The following SLC25A17 variants were observed in gnomAD, a reference collection of about 807,000 sequenced individuals.
SLC25A17 encodes peroxisomal membrane protein PMP34.
In SLC25A17, 26 loss-of-function variants were observed where a neutral mutation model predicts 38.5. The ratio of observed to expected loss-of-function variants is 0.68; its 90% CI spans 0.50 to 0.94. The LOEUF is 0.94. Among genes scored for constraint, SLC25A17 ranks in the 40% least tolerant of loss-of-function variants. SLC25A17 has a pLI of 0.00. For missense variants in SLC25A17, 333 were observed against 372.7 expected, an observed-to-expected ratio of 0.89 and a Z score of 0.88; for synonymous variants, 139 against 136.2, an observed-to-expected ratio of 1.02 and a Z score of -0.14.
chr22:40,815,553 T>A (rs1003261013), intron 1 of SLC25A17, among the ~76,000 whole-genome samples: 1 of 152,166 alleles, frequency 6.6e-6, no homozygotes, highest in African/African-American at 2.4e-5. Context: ...ACATTTCAAT[T>A]CCCTTAAATT....
chr22:40,817,741 G>A (rs1328479878), intron 1 of SLC25A17, among the ~76,000 whole-genome samples: 2 of 152,130 alleles, frequency 1.3e-5, no homozygotes, highest in East Asian at 1.9e-4. Context: ...CAGCAGCCAG[G>A]GTGATCACGT....
intron 1 of SLC25A17, among the ~76,000 whole-genome samples, chr22:40,809,126 G>A (rs535774518): frequency 1.3e-5 from 2 of 151,376 alleles, no homozygotes; most frequent in South Asian, 2.1e-4. Context: ...TTGTAGAGGC[G>A]AGACAACATT....
intron 1 of SLC25A17, among the ~76,000 whole-genome samples, chr22:40,815,118 C>T (rs1162263315): frequency 1.3e-5 from 2 of 151,994 alleles, no homozygotes; most frequent in Non-Finnish European, 2.9e-5. Flanking sequence ...CACACCCGGC[C>T]CAGAATATTC....
chr22:40,783,737 G>A (rs1024038909), intron 4 of SLC25A17, among the ~76,000 whole-genome samples: 4 of 151,398 alleles, frequency 2.6e-5, no homozygotes, highest in Non-Finnish European at 4.4e-5. Flanking sequence ...ATGGAGTCTC[G>A]CTCTATCTCC....
chr22:40,780,179 C>G (rs1278862554), intron 4 of SLC25A17: 1 of 152,136 alleles, frequency 6.6e-6, no homozygotes, highest in African/African-American at 2.4e-5. Flanking sequence ...GAAATACAGT[C>G]TAACCAAGGA....
At chr22:40,816,547 T>C (rs902056393) in intron 1 of SLC25A17, among the ~76,000 whole-genome samples, 1 of 151,962 alleles carries the variant, frequency 6.6e-6, no homozygotes, top group Non-Finnish European at 1.5e-5. Context: ...TGTTCTTTTA[T>C]AGCACTTAAC....
chr22:40,816,939 G>T (rs1170715165), intron 1 of SLC25A17, among the ~76,000 whole-genome samples: 1 of 152,076 alleles, frequency 6.6e-6, no homozygotes, highest in Non-Finnish European at 1.5e-5. Context: ...CTCCCCTATT[G>T]CAATGCATAG....
intron 1 of SLC25A17, chr22:40,799,684 C>CA (rs2057464445): frequency 6.6e-6 from 1 of 152,146 alleles, no homozygotes; most frequent in South Asian, 2.1e-4. Context: ...TTTAAATGAA[C>CA]AAAAGTTTAT....
chr22:40,772,957 A>G (rs2057200559), intron 8 of SLC25A17, among the ~76,000 whole-genome samples: 1 of 152,176 alleles, frequency 6.6e-6, no homozygotes, highest in South Asian at 2.1e-4. Flanking sequence ...TATTTTAATA[A>G]TAAATTTATT....
chr22:40,805,186 T>C (rs2057519136), intron 1 of SLC25A17, among the ~76,000 whole-genome samples: 1 of 152,034 alleles, frequency 6.6e-6, no homozygotes, highest in Non-Finnish European at 1.5e-5. Context: ...AATACAAAAA[T>C]TAGCTGGGAG....
chr22:40,799,222 G>A, intron 1 of SLC25A17, 139 bp from the exon 2 acceptor site: 1 of 610,580 alleles, frequency 1.6e-6, no homozygotes, highest in Non-Finnish European at 3.0e-6. Context: ...TTGGGCTCAA[G>A]TGATCCTCCC....
intron 1 of SLC25A17, among the ~76,000 whole-genome samples, chr22:40,806,307 G>T (rs746503749): frequency 6.6e-6 from 1 of 152,176 alleles, no homozygotes; most frequent in African/African-American, 2.4e-5. Flanking sequence ...GTTAGAAAAC[G>T]TAAGTGTAAA....
chr22:40,776,111 C>T (rs753270488), intron 7 of SLC25A17: 1 of 281,450 alleles, frequency 3.6e-6, no homozygotes, highest in Non-Finnish European at 7.0e-6. Flanking sequence ...AAGAGCCCCA[C>T]CATGCCCCTC....
intron 7 of SLC25A17, among the ~76,000 whole-genome samples, chr22:40,775,965 A>C (rs547942830): frequency 6.6e-6 from 1 of 152,232 alleles, no homozygotes; most frequent in South Asian, 2.1e-4. Flanking sequence ...ATGAGAATGG[A>C]CTAACACACA....
chr22:40,796,124 G>A (rs1442370170), intron 2 of SLC25A17, among the ~76,000 whole-genome samples: 3 of 152,088 alleles, frequency 2.0e-5, no homozygotes, highest in South Asian at 2.1e-4. Flanking sequence ...TTAGCCTTGC[G>A]TCTGTCTCCT....
At chr22:40,817,907 T>C (rs2057658856) in intron 1 of SLC25A17, among the ~76,000 whole-genome samples, 1 of 152,160 alleles carries the variant, frequency 6.6e-6, no homozygotes, top group Non-Finnish European at 1.5e-5. Context: ...CATCTCAGCC[T>C]TCATGCTGGC....
rs1260669949 is a variant in SLC25A17 at position 40,794,503 on chromosome 22, G to T, written c.182+11C>A. ...GTTGCTTTAACGAAGGTGAACTGAG[G>T]TAGTACTCACAGTCCTTCTTCTTTA... On this transcript the variant is annotated intron_variant, in intron 3 of 8. Coordinates refer to ENST00000435456, the MANE Select transcript of SLC25A17 (RefSeq NM_006358.4). 1 of 1,573,650 alleles carries T rather than the reference G, an allele frequency of 6.4e-7. No individual in the cohort carries two copies. The highest frequency in any genetic ancestry group is 8.7e-7 in the Non-Finnish European group (1 of 1,144,650).
chr22:40,785,837 T>C (rs984592926), intron 4 of SLC25A17, among the ~76,000 whole-genome samples: 5 of 152,038 alleles, frequency 3.3e-5, no homozygotes, highest in Non-Finnish European at 5.9e-5. Context: ...GGTCTTGCTA[T>C]GGTGCCCAGG....
intron 4 of SLC25A17, among the ~76,000 whole-genome samples, chr22:40,781,436 G>A (rs1011890682): frequency 1.3e-5 from 2 of 151,946 alleles, no homozygotes; most frequent in Admixed American, 6.6e-5. Flanking sequence ...TAGTAGAGAC[G>A]GGGTTTCACC....
Sources: allele counts gnomAD v4.1 joint callset (sites outside exome capture counted in the v4.1 genomes callset), GRCh38; gene constraint gnomAD v4.1.1; transcripts MANE v1.5; gene names NCBI Gene and HGNC (gene_info 2026-07-23, HGNC 2026-07-21).